The following CCDC3 variants were observed in gnomAD, a reference collection of about 807,000 sequenced individuals.
CCDC3 encodes the protein coiled-coil domain-containing protein 3.
CCDC3 carries 24 observed loss-of-function variants against 21.4 expected under a neutral mutation model. The observed-to-expected ratio is 1.12, with a 90% CI of 0.81 to 1.58. The LOEUF is 1.58. Among genes scored for constraint, CCDC3 ranks in the 40% most tolerant of loss-of-function variants. The probability of loss-of-function intolerance (pLI) is 0.00; values close to 1 mark genes in which losing one functional copy is unlikely to be tolerated. For synonymous variants in CCDC3, 186 were observed against 166.0 expected (o/e 1.12, Z -0.93); for missense variants, 425 against 360.9 (o/e 1.18, Z -1.44).
chr10:13,003,264 C>G (rs1226701032), upstream of CCDC3, among the ~76,000 whole-genome samples: 1 of 152,210 alleles, frequency 6.6e-6, no homozygotes, highest in Non-Finnish European at 1.5e-5. Flanking sequence ...GTTGTAAGGA[C>G]TGTACATATG....
chr10:13,041,361 G>A (rs956551164), intron 5 of CCDC3, among the ~76,000 whole-genome samples: 6 of 151,860 alleles, frequency 4.0e-5, no homozygotes, highest in South Asian at 2.1e-4. Flanking sequence ...CACCACTCAC[G>A]GCAAATCTTG....
chr10:13,056,599 TC>T (rs1836684252), intron 4 of CCDC3, among the ~76,000 whole-genome samples: 1 of 152,252 alleles, frequency 6.6e-6, no homozygotes, highest in African/African-American at 2.4e-5. Flanking sequence ...TGAATGCATT[TC>T]CCCCAACTTT....
intron 5 of CCDC3, among the ~76,000 whole-genome samples, chr10:13,014,914 G>A (rs1172227839): frequency 6.6e-6 from 1 of 152,090 alleles, no homozygotes; most frequent in Non-Finnish European, 1.5e-5. Context: ...GTCATATCAG[G>A]AGAATAAAAC....
intron 4 of CCDC3, among the ~76,000 whole-genome samples, chr10:13,051,891 CA>C (rs1234815764): frequency 6.6e-6 from 1 of 152,124 alleles, no homozygotes; most frequent in Non-Finnish European, 1.5e-5. Context: ...TCCGCTTGGA[CA>C]GGACAATGCA....
intron 2 of CCDC3, among the ~76,000 whole-genome samples, chr10:12,983,088 G>C (rs1424733504): frequency 4.2e-5 from 6 of 142,012 alleles, no homozygotes; most frequent in Admixed American, 1.5e-4. Context: ...CTCCACCCTG[G>C]GTGATGGCTG....
chr10:13,058,337 C>A, intron 4 of CCDC3: 1 of 1,248,258 alleles, frequency 8.0e-7, no homozygotes. Flanking sequence ...CTTGTCCATG[C>A]CAAACCTACT....
chr10:13,056,622 G>A (rs1237500490), intron 4 of CCDC3, among the ~76,000 whole-genome samples: 2 of 152,224 alleles, frequency 1.3e-5, no homozygotes, highest in Admixed American at 1.3e-4. Context: ...CCTGGAAACA[G>A]ACAGCATCTT....
At chr10:12,940,075 C>T (rs1485303821) in intron 2 of CCDC3, among the ~76,000 whole-genome samples, 3 of 152,100 alleles carry the variant, frequency 2.0e-5, no homozygotes, top group Non-Finnish European at 4.4e-5. Context: ...TGTCTAAAAA[C>T]ATACTGTTTT....
intron 2 of CCDC3, among the ~76,000 whole-genome samples, chr10:12,945,144 T>C (rs34308228): frequency 0.14 from 20,572 of 152,242 alleles, 1,469 homozygotes; most frequent in African/African-American, 0.2. Context: ...CTAGAAATTA[T>C]GATTCATAAA....
At chr10:13,013,822 A>G (rs7077438) in intron 5 of CCDC3, among the ~76,000 whole-genome samples, 1,879 of 152,280 alleles carry the variant, frequency 0.012, 48 homozygotes, top group African/African-American at 0.043. Flanking sequence ...AAATCAATAA[A>G]AGACCCTGTA....
At chr10:13,018,393 G>T (rs188156132) in intron 5 of CCDC3, among the ~76,000 whole-genome samples, 4 of 152,198 alleles carry the variant, frequency 2.6e-5, no homozygotes, top group Admixed American at 2.0e-4. Flanking sequence ...ATACTTGTCT[G>T]ATATCTCATC....
chr10:13,016,117 T>C (rs1020471689), intron 5 of CCDC3, among the ~76,000 whole-genome samples: 1 of 151,940 alleles, frequency 6.6e-6, no homozygotes, highest in Non-Finnish European at 1.5e-5. Flanking sequence ...AAAATTTTAA[T>C]AAAACAATAG....
intron 2 of CCDC3, among the ~76,000 whole-genome samples, chr10:12,918,358 T>G (rs952299678): frequency 6.6e-6 from 1 of 152,236 alleles, no homozygotes; most frequent in Non-Finnish European, 1.5e-5. Flanking sequence ...CCTTTGCAGT[T>G]CCATACAAGC....
chr10:12,943,112 G>A (rs75655220), intron 2 of CCDC3, among the ~76,000 whole-genome samples: 6,580 of 151,990 alleles, frequency 0.043, 340 homozygotes, highest in African/African-American at 0.12. Flanking sequence ...TGGCTTAAGC[G>A]CTTATATAAA....
intron 2 of CCDC3, among the ~76,000 whole-genome samples, chr10:12,939,928 G>C (rs1028709310): frequency 6.6e-6 from 1 of 152,198 alleles, no homozygotes; most frequent in African/African-American, 2.4e-5. Context: ...TGAATTTCAA[G>C]ATTGTTAGCT....
At chr10:13,019,414 C>G (rs1001174253) in intron 5 of CCDC3, among the ~76,000 whole-genome samples, 1 of 152,114 alleles carries the variant, frequency 6.6e-6, no homozygotes, top group Non-Finnish European at 1.5e-5. Flanking sequence ...ATAGCAAAAG[C>G]CCACAGGTAT....
chr10:13,098,137 C>T (rs1048956843), intron 3 of CCDC3, among the ~76,000 whole-genome samples: 14 of 152,060 alleles, frequency 9.2e-5, no homozygotes, highest in Admixed American at 5.2e-4. Flanking sequence ...CCCCCCACCC[C>T]GACCCCACCA....
intron 2 of CCDC3, among the ~76,000 whole-genome samples, chr10:12,931,086 C>A (rs1447295211): frequency 1.3e-5 from 2 of 151,868 alleles, no homozygotes; most frequent in Admixed American, 1.3e-4. Context: ...TGGCCTGCGG[C>A]TGTAATCCCA....
At chr10:13,032,043 G>A (rs1176989718) in intron 5 of CCDC3, among the ~76,000 whole-genome samples, 5 of 152,072 alleles carry the variant, frequency 3.3e-5, no homozygotes, top group Admixed American at 3.3e-4. Flanking sequence ...AACCAAAAAA[G>A]AGAATTTTAG....
Sources: allele counts gnomAD v4.1 joint callset (sites outside exome capture counted in the v4.1 genomes callset), GRCh38; gene constraint gnomAD v4.1.1; transcripts MANE v1.5; gene names NCBI Gene and HGNC (gene_info 2026-07-23, HGNC 2026-07-21).